The following BBS9 variants were observed in gnomAD, a reference collection of about 807,000 sequenced individuals.
BBS9 encodes protein PTHB1.
Under a neutral mutation model 117.7 loss-of-function variants are expected in BBS9, and 89 were observed. The ratio of observed to expected loss-of-function variants is 0.76; its 90% CI spans 0.64 to 0.90. BBS9 has a LOEUF of 0.90. Ranked by LOEUF, BBS9 falls within the 40% of genes least tolerant of loss-of-function variation. The probability of loss-of-function intolerance (pLI) is 0.00; values close to 1 mark genes in which losing one functional copy is unlikely to be tolerated. For synonymous variants in BBS9, 379 were observed against 370.9 expected, an observed-to-expected ratio of 1.02 and a Z score of -0.25; for missense variants, 982 against 1,042.2, an observed-to-expected ratio of 0.94 and a Z score of 0.80.
At chr7:33,234,780 G>A (rs1793164633) in intron 5 of BBS9, among the ~76,000 whole-genome samples, 1 of 151,566 alleles carries the variant, frequency 6.6e-6, no homozygotes, top group South Asian at 2.1e-4. Context: ...AATATATACA[G>A]ACACGGGTAA....
chr7:33,269,209 G>A (rs1799338954), intron 7 of BBS9, among the ~76,000 whole-genome samples: 1 of 152,070 alleles, frequency 6.6e-6, no homozygotes, highest in South Asian at 2.1e-4. Context: ...TGTCTTGATG[G>A]CCAAAAATTC....
At chr7:33,592,444 G>T (rs1862084446) in intron 21 of BBS9, among the ~76,000 whole-genome samples, 1 of 152,032 alleles carries the variant, frequency 6.6e-6, no homozygotes, top group African/African-American at 2.4e-5. Context: ...CAATGGTTTA[G>T]TTTGCCACTC....
chr7:33,465,629 G>A (rs533647178), intron 19 of BBS9, among the ~76,000 whole-genome samples: 1 of 152,146 alleles, frequency 6.6e-6, no homozygotes, highest in Non-Finnish European at 1.5e-5. Flanking sequence ...TCACCTATTA[G>A]TTGTATGTCC....
At chr7:33,420,127 G>A (rs1832639411) in intron 19 of BBS9, among the ~76,000 whole-genome samples, 1 of 152,118 alleles carries the variant, frequency 6.6e-6, no homozygotes, top group African/African-American at 2.4e-5. Context: ...ACAATTTGTT[G>A]GTTTTGAAAG....
At chr7:33,612,396 A>T (rs549900756) in intron 21 of BBS9, among the ~76,000 whole-genome samples, 1 of 152,200 alleles carries the variant, frequency 6.6e-6, no homozygotes, top group Non-Finnish European at 1.5e-5. Context: ...GTCAATAACA[A>T]ATCATAAAAC....
chr7:33,440,237 T>C (rs937090263), intron 19 of BBS9, among the ~76,000 whole-genome samples: 1 of 152,216 alleles, frequency 6.6e-6, no homozygotes, highest in African/African-American at 2.4e-5. Flanking sequence ...TGAAGGTGCA[T>C]TGTAAGTTAT....
At chr7:33,353,621 A>G (rs1819090490) in intron 15 of BBS9, among the ~76,000 whole-genome samples, 1 of 146,664 alleles carries the variant, frequency 6.8e-6, no homozygotes, top group Non-Finnish European at 1.5e-5. Context: ...TATAGACTTA[A>G]TGTGGTAGTT....
chr7:33,633,849 G>C (rs1330634910), intron 21 of BBS9, among the ~76,000 whole-genome samples: 2 of 152,162 alleles, frequency 1.3e-5, no homozygotes, highest in Non-Finnish European at 2.9e-5. Context: ...GTTGGAGTTT[G>C]TCACTTGGAC....
intron 7 of BBS9, among the ~76,000 whole-genome samples, chr7:33,264,745 C>G (rs901165185): frequency 1.3e-5 from 2 of 152,080 alleles, no homozygotes; most frequent in African/African-American, 4.8e-5. Flanking sequence ...CAGATTTTCT[C>G]TTATCACTTG....
chr7:33,425,883 TA>T (rs1175585748), intron 19 of BBS9, among the ~76,000 whole-genome samples: 1 of 152,164 alleles, frequency 6.6e-6, no homozygotes, highest in African/African-American at 2.4e-5. Flanking sequence ...GCAATCATGT[TA>T]AAAGAGAACA....
intron 19 of BBS9, among the ~76,000 whole-genome samples, chr7:33,459,746 C>G (rs1387878340): frequency 6.6e-6 from 1 of 152,102 alleles, no homozygotes; most frequent in Non-Finnish European, 1.5e-5. Context: ...ATTGAAGAAA[C>G]CAAGATCTGG....
At chr7:33,324,064 T>G (rs1812305385) in intron 9 of BBS9, among the ~76,000 whole-genome samples, 1 of 151,984 alleles carries the variant, frequency 6.6e-6, no homozygotes, top group Non-Finnish European at 1.5e-5. Context: ...TCTTGAACTC[T>G]TGACCTCAAG....
intron 19 of BBS9, among the ~76,000 whole-genome samples, chr7:33,420,399 T>G (rs1365578202): frequency 1.3e-5 from 2 of 152,142 alleles, no homozygotes; most frequent in African/African-American, 4.8e-5. Context: ...GCAAGTCACT[T>G]ATGCCAAACA....
intron 21 of BBS9, among the ~76,000 whole-genome samples, chr7:33,552,869 TTG>T (rs1216157704): frequency 2.0e-5 from 3 of 152,198 alleles, no homozygotes; most frequent in African/African-American, 7.2e-5. Flanking sequence ...AAACTTAGAC[TTG>T]TTACCGTGGC....
rs1276105764 is a variant in BBS9, at chr7:33,388,015, A to G, written c.1986A>G (p.Leu662=). ...HFELRINGEK[L]EELLSERAVQ... ...AGCTACGGATAAATGGTGAAAAATTAGAAGAACTCTTATCTGAGAGAGCTG... is the reference window on the plus strand; with the variant it reads ...AGCTACGGATAAATGGTGAAAAATTGGAAGAACTCTTATCTGAGAGAGCTG... The change falls in exon 19 of 23, where the codon TTA becomes TTG. Residue 662 remains leucine, a synonymous_variant. Transcript: ENST00000242067. The G allele has an allele frequency of 6.2e-7, 1 of 1,614,042 alleles. No homozygotes were observed.
intron 9 of BBS9, among the ~76,000 whole-genome samples, chr7:33,333,484 G>C (rs1279816891): frequency 4.0e-5 from 6 of 151,876 alleles, no homozygotes; most frequent in Admixed American, 1.3e-4. Context: ...TCATATCTTT[G>C]CAAATGACAT....
intron 4 of BBS9, among the ~76,000 whole-genome samples, chr7:33,169,893 A>G (rs1461718932): frequency 6.6e-6 from 1 of 151,666 alleles, no homozygotes; most frequent in Non-Finnish European, 1.5e-5. Flanking sequence ...GCCCATGCCT[A>G]TGTTCTGAAT....
chr7:33,360,025 A>C (rs1455366148), intron 16 of BBS9, among the ~76,000 whole-genome samples: 1 of 152,052 alleles, frequency 6.6e-6, no homozygotes, highest in Non-Finnish European at 1.5e-5. Context: ...TTCACTTGTC[A>C]TTCTGTTTTG....
At chr7:33,594,915 T>G (rs1021943048) in intron 21 of BBS9, among the ~76,000 whole-genome samples, 12 of 152,056 alleles carry the variant, frequency 7.9e-5, no homozygotes, top group African/African-American at 2.9e-4. Flanking sequence ...CTACAACCAT[T>G]TCATCTTGGA....
Sources: allele counts gnomAD v4.1 joint callset (sites outside exome capture counted in the v4.1 genomes callset), GRCh38; gene constraint gnomAD v4.1.1; transcripts MANE v1.5; gene names NCBI Gene and HGNC (gene_info 2026-07-23, HGNC 2026-07-21).